The following DLG2 variants were observed in gnomAD, a reference collection of about 807,000 sequenced individuals.
DLG2 encodes the protein disks large homolog 2.
DLG2 carries 45 observed loss-of-function variants against 132.5 expected under a neutral mutation model. That is an observed-to-expected ratio of 0.34 (90% CI 0.27 to 0.44). The LOEUF (loss-of-function observed/expected upper bound fraction) is 0.44. DLG2 is among the 20% of genes least tolerant of loss of function. DLG2 has a pLI of 1.00. For missense variants in DLG2, 1,045 were observed against 1,196.9 expected, an observed-to-expected ratio of 0.87 and a Z score of 1.87; for synonymous variants, 424 against 419.6, an observed-to-expected ratio of 1.01 and a Z score of -0.13.
intron 18 of DLG2, among the ~76,000 whole-genome samples, chr11:83,663,575 G>C (rs1555306682): frequency 6.6e-6 from 1 of 152,212 alleles, no homozygotes; most frequent in Non-Finnish European, 1.5e-5. Flanking sequence ...CATAGTAGAA[G>C]CTTGCCAAGT....
intron 6 of DLG2, among the ~76,000 whole-genome samples, chr11:84,780,654 T>C (rs1482924552): frequency 2.0e-5 from 3 of 152,136 alleles, no homozygotes; most frequent in Non-Finnish European, 4.4e-5. Context: ...TGTTGTTGTA[T>C]CATTCTAATA....
intron 6 of DLG2, among the ~76,000 whole-genome samples, chr11:84,677,011 T>A (rs968206604): frequency 2.0e-5 from 3 of 151,892 alleles, no homozygotes; most frequent in African/African-American, 7.3e-5. Context: ...GGACAGATCA[T>A]GAAGGGCCCT....
At chr11:84,921,618 T>C (rs2092759626) in intron 6 of DLG2, among the ~76,000 whole-genome samples, 1 of 152,168 alleles carries the variant, frequency 6.6e-6, no homozygotes, top group Non-Finnish European at 1.5e-5. Context: ...ACTTCCAAAA[T>C]ATAACAATGA....
intron 12 of DLG2, among the ~76,000 whole-genome samples, chr11:83,973,681 C>A (rs2091743365): frequency 6.6e-6 from 1 of 151,818 alleles, no homozygotes; most frequent in Admixed American, 6.6e-5. Flanking sequence ...CCCGGCTGCA[C>A]ATTAAAATCA....
intron 19 of DLG2, among the ~76,000 whole-genome samples, chr11:83,625,302 C>T (rs145081350): frequency 1.3e-5 from 2 of 152,286 alleles, no homozygotes; most frequent in African/African-American, 2.4e-5. Context: ...AGAAATCCAT[C>T]GCCAAGTGAA....
At position 85,623,918 on chromosome 11, in the gene DLG2, C is replaced by T. The variant is rs186842416; in HGVS notation, c.-93+2669G>A. ...AACACACTATGGTCTTGCATCATAT[C>T]AGAGAATACTAATACAACTTATCCT... On this transcript the variant is annotated intron_variant, in intron 2 of 27. Coordinates refer to ENST00000376104, the MANE Select transcript of DLG2 (RefSeq NM_001142699.3). 1.2e-4 allele frequency among the ~76,000 whole-genome samples: 18 copies of T among 152,264 alleles called. 1 individual carries two copies. The highest frequency in any genetic ancestry group is 3.6e-4 in the African/African-American group (15 of 41,554).
At chr11:84,313,138 C>G (rs953537841) in intron 7 of DLG2, among the ~76,000 whole-genome samples, 1 of 150,560 alleles carries the variant, frequency 6.6e-6, no homozygotes, top group Admixed American at 6.6e-5. Flanking sequence ...TTTTTTGAGA[C>G]CAAGTCTCAC....
intron 15 of DLG2, among the ~76,000 whole-genome samples, chr11:83,905,362 A>G (rs1878263): frequency 0.072 from 11,007 of 152,172 alleles, 528 homozygotes; most frequent in African/African-American, 0.13. Context: ...ATTAAATGGA[A>G]CTTCCTTACA....
intron 8 of DLG2, among the ~76,000 whole-genome samples, chr11:84,238,042 T>TAAAAAAAAAAAAAAA (rs71036414): frequency 2.7e-5 from 2 of 73,106 alleles, no homozygotes; most frequent in Non-Finnish European, 5.2e-5. Context: ...AGACTCTGCC[T>TAAAAAAAAAAAAAAA]AAAAAAAAAA....
chr11:83,602,422 T>C (rs2058703832), intron 19 of DLG2, among the ~76,000 whole-genome samples: 1 of 152,252 alleles, frequency 6.6e-6, no homozygotes, highest in Non-Finnish European at 1.5e-5. Context: ...CTTCTTATTC[T>C]TGTGGAGAGT....
intron 19 of DLG2, among the ~76,000 whole-genome samples, chr11:83,583,507 T>C (rs942673334): frequency 2.6e-5 from 4 of 152,238 alleles, no homozygotes; most frequent in Non-Finnish European, 4.4e-5. Context: ...GTATTAATTC[T>C]TCAACTGACT....
intron 21 of DLG2, among the ~76,000 whole-genome samples, chr11:83,497,608 A>G (rs2094219916): frequency 6.6e-6 from 1 of 152,020 alleles, no homozygotes; most frequent in African/African-American, 2.4e-5. Flanking sequence ...CTCTGCAGTT[A>G]TCTCAGATTT....
intron 3 of DLG2, among the ~76,000 whole-genome samples, chr11:85,334,368 C>G (rs984097416): frequency 2.6e-5 from 4 of 151,868 alleles, no homozygotes; most frequent in African/African-American, 7.2e-5. Context: ...CTTATGTATT[C>G]TTTTAAAGAA....
intron 6 of DLG2, among the ~76,000 whole-genome samples, chr11:84,594,836 G>T (rs2099552550): frequency 6.6e-6 from 1 of 152,102 alleles, no homozygotes; most frequent in Admixed American, 6.5e-5. Flanking sequence ...ATACAACTGG[G>T]TATAAAGTAT....
At chr11:84,087,228 C>T (rs991334201) in intron 10 of DLG2, among the ~76,000 whole-genome samples, 3 of 152,096 alleles carry the variant, frequency 2.0e-5, no homozygotes, top group Admixed American at 1.3e-4. Flanking sequence ...GATGGACTGC[C>T]AGACTGTTTT....
intron 6 of DLG2, among the ~76,000 whole-genome samples, chr11:84,542,366 C>T (rs1232678711): frequency 6.6e-6 from 1 of 152,116 alleles, no homozygotes; most frequent in Non-Finnish European, 1.5e-5. Context: ...TACACAAAGC[C>T]TGACATTAAA....
At chr11:84,622,865 C>T (rs978097034) in intron 6 of DLG2, among the ~76,000 whole-genome samples, 2 of 152,062 alleles carry the variant, frequency 1.3e-5, no homozygotes, top group East Asian at 1.9e-4. Flanking sequence ...TGGAGGATAT[C>T]GACCACTGTG....
intron 18 of DLG2, among the ~76,000 whole-genome samples, chr11:83,634,487 A>C (rs1477265463): frequency 1.3e-5 from 2 of 152,182 alleles, no homozygotes; most frequent in Non-Finnish European, 2.9e-5. Context: ...AAATAAACTT[A>C]AAAATGTTAA....
Position 83,575,097 on chromosome 11 carries a change from C to T in DLG2, c.1941-33239G>A, listed in dbSNP as rs999292462. ...AAGGGTATATGAGATAGGTAGTGAGCAGCTTTCATCTTTAAAGATGTAAGA... is the reference window on the plus strand; with the variant it reads ...AAGGGTATATGAGATAGGTAGTGAGTAGCTTTCATCTTTAAAGATGTAAGA... On this transcript the variant is annotated intron_variant, in intron 19 of 27. Transcript: ENST00000376104. 9.2e-5 allele frequency among the ~76,000 whole-genome samples: 14 copies of T among 152,282 alleles called. No homozygotes were observed. The South Asian group carries it at 1.5e-3, about 16-fold the overall frequency.
Sources: allele counts gnomAD v4.1 joint callset (sites outside exome capture counted in the v4.1 genomes callset), GRCh38; gene constraint gnomAD v4.1.1; transcripts MANE v1.5; gene names NCBI Gene and HGNC (gene_info 2026-07-23, HGNC 2026-07-21).